KIF20B: variants seen among roughly 807,000 people sequenced by gnomAD.
KIF20B encodes kinesin-like protein KIF20B.
KIF20B carries 188 observed loss-of-function variants against 232.5 expected under a neutral mutation model. The ratio of observed to expected loss-of-function variants is 0.81; its 90% confidence interval spans 0.72 to 0.91. The LOEUF (loss-of-function observed/expected upper bound fraction) is 0.91. Among genes scored for constraint, KIF20B ranks in the 40% least tolerant of loss-of-function variants. The pLI, the probability that KIF20B is intolerant of heterozygous loss-of-function variation, is 0.00. For missense variants in KIF20B, 2,154 were observed against 2,055.9 expected (o/e 1.05, Z -0.92); for synonymous variants, 712 against 683.0 (o/e 1.04, Z -0.66).
chr10:89,768,899 A>G lies in KIF20B; in HGVS notation c.5242+11A>G. 1.3e-6 allele frequency: 2 copies of G among 1,574,494 alleles called. No homozygotes were observed. Among genetic ancestry groups the G allele is most frequent in the Non-Finnish European group, 1.7e-6 (2 of 1,166,178 alleles). On this transcript the variant is annotated intron_variant, in intron 31 of 32. Transcript: ENST00000371728. ...TTCTTCAATCAAAAGGTTTGCAGAA[A>G]ATTAATTAAATGACCTTTTTTTGTT...
In KIF20B at chr10:89,758,757, C is replaced by A; in HGVS notation, c.4555C>A (p.Arg1519=). 2 of 1,605,194 alleles carry A rather than the reference C, an allele frequency of 1.2e-6. No individual in the cohort carries two copies. The highest frequency in any genetic ancestry group is 1.7e-6 in the Non-Finnish European group (2 of 1,175,780). ...GAAAGATAGTGACCTTCAAAAGTGG[C>A]GAGAAGAACGAGATCAACTGGTTGC... The part of the protein sequence containing the change: ...TEKDSDLQKW[R]EERDQLVAAL... Residue 1519 remains arginine (R), a synonymous_variant, in exon 27 of 33, where the codon CGA becomes AGA. Transcript: ENST00000371728.
chr10:89,717,968 G>A (rs1842969266), intron 11 of KIF20B, among the ~76,000 whole-genome samples: 1 of 152,168 alleles, frequency 6.6e-6, no homozygotes, highest in Non-Finnish European at 1.5e-5. Flanking sequence ...AATAGACACT[G>A]TAAATGAGAA....
Position 89,709,336 on chromosome 10 carries a change from G to A in KIF20B, c.235-9G>A, listed in dbSNP as rs767507186. On this transcript the variant is annotated splice_polypyrimidine_tract_variant and intron_variant, in intron 3 of 32. Coordinates refer to ENST00000371728, the MANE Select transcript of KIF20B (RefSeq NM_001284259.2). ...ACTAGTTTTTATTTATTGGGGGTAT[G>A]TTTTCTAGGGCTGTGTGCATATTCT... is the stretch of plus-strand genomic sequence containing the variant. 1 of 1,606,432 alleles carries A rather than the reference G, an allele frequency of 6.2e-7. No individual in the cohort carries two copies. Among genetic ancestry groups the A allele is most frequent in the East Asian group, 2.2e-5 (1 of 44,762 alleles).
At chr10:89,751,908 T>TG (rs1012826813) in intron 24 of KIF20B, among the ~76,000 whole-genome samples, 4 of 152,132 alleles carry the variant, frequency 2.6e-5, no homozygotes, top group African/African-American at 9.6e-5. Context: ...AAATGTTATG[T>TG]GTGATTCTTG....
At chr10:89,734,852 A>G (rs932051492) in intron 19 of KIF20B, among the ~76,000 whole-genome samples, 3 of 152,220 alleles carry the variant, frequency 2.0e-5, no homozygotes, top group African/African-American at 7.2e-5. Context: ...TTTGTAATGT[A>G]ACAAACTGAT....
intron 16 of KIF20B, 126 bp from the exon 17 acceptor site, chr10:89,727,730 A>G: frequency 1.2e-6 from 1 of 839,736 alleles, no homozygotes; most frequent in South Asian, 1.8e-5. Flanking sequence ...TTCTAGTGCT[A>G]TCAAAATCCT....
intron 23 of KIF20B, among the ~76,000 whole-genome samples, chr10:89,748,382 CCTTAA>C: frequency 6.6e-6 from 1 of 152,256 alleles, no homozygotes; most frequent in Non-Finnish European, 1.5e-5. Context: ...CCTCATTACC[CCTTAA>C]CTTCTTTGTT....
intron 30 of KIF20B, 136 bp from the exon 31 acceptor site, chr10:89,768,602 C>G (rs1291707930): frequency 3.4e-6 from 3 of 873,046 alleles, no homozygotes; most frequent in Non-Finnish European, 5.2e-6. Flanking sequence ...ACCCTTTTAT[C>G]CCTGTCCTTA....
At chr10:89,736,777 G>T (rs534529719) in intron 19 of KIF20B, among the ~76,000 whole-genome samples, 1 of 152,174 alleles carries the variant, frequency 6.6e-6, no homozygotes, top group South Asian at 2.1e-4. Context: ...TCACAACTTT[G>T]AGATAGGTGG....
chr10:89,771,684 C>T (rs756289767), intron 31 of KIF20B, among the ~76,000 whole-genome samples: 3 of 151,972 alleles, frequency 2.0e-5, no homozygotes, highest in Admixed American at 6.6e-5. Context: ...ACGCTTTTCT[C>T]CACTGTAACT....
intron 29 of KIF20B, among the ~76,000 whole-genome samples, chr10:89,763,059 A>G (rs1315442084): frequency 6.6e-6 from 1 of 152,092 alleles, no homozygotes; most frequent in African/African-American, 2.4e-5. Flanking sequence ...GGGCTGGCGG[A>G]TCACTTGAGG....
At position 89,719,572 on chromosome 10, in the gene KIF20B, A is replaced by G; in HGVS notation, c.1588A>G (p.Met530Val). The change falls in exon 13 of 33, where the codon ATG becomes GTG. Residue 530 changes from methionine to valine, a missense_variant. Met to Val is a conservative substitution (Grantham distance 21, BLOSUM62 1). Coordinates refer to ENST00000371728, the MANE Select transcript of KIF20B (RefSeq NM_001284259.2). ...ATGGGAAAATAGTCTAGAAGATTTG[A>G]TGGAAGACGAGGATTTGGTTGAGGA... ...ISWENSLEDL[M>V]EDEDLVEELE... The G allele has an allele frequency of 6.2e-7, 1 of 1,613,654 alleles. No individual in the cohort carries two copies. The highest frequency in any genetic ancestry group is 8.5e-7 in the Non-Finnish European group (1 of 1,179,730).
In KIF20B at chr10:89,752,607, C is replaced by A; in HGVS notation, c.4263C>A (p.Thr1421=). ...AGGAAAAATGCAATGATTTGGAAAC[C>A]AAAAACAATCAAAGGTCAAATAAAG... The part of the protein sequence containing the change: ...KWKEKCNDLE[T]KNNQRSNKEH... Residue 1421 remains threonine, a synonymous_variant, in exon 25 of 33, where the codon ACC becomes ACA. Coordinates refer to ENST00000371728, the MANE Select transcript of KIF20B (RefSeq NM_001284259.2). 2 of 1,602,614 alleles carry A rather than the reference C, an allele frequency of 1.2e-6. No homozygotes were observed. Among genetic ancestry groups the A allele is most frequent in the South Asian group, 1.1e-5 (1 of 89,216 alleles).
chr10:89,740,489 A>T (rs1469183253), intron 21 of KIF20B, among the ~76,000 whole-genome samples: 1 of 151,142 alleles, frequency 6.6e-6, no homozygotes. Context: ...TCAATCTCCA[A>T]CCCTCCTCTC....
At chr10:89,704,535 C>T (rs1202898688) in intron 1 of KIF20B, among the ~76,000 whole-genome samples, 1 of 150,912 alleles carries the variant, frequency 6.6e-6, no homozygotes, top group Non-Finnish European at 1.5e-5. Flanking sequence ...AAATTGAAAA[C>T]AATTTTTCAG....
Position 89,712,164 on chromosome 10 carries a change from A to G in KIF20B, c.675+1019A>G, listed in dbSNP as rs369141382. Among the ~76,000 whole-genome samples, 8 of 152,162 alleles carry G rather than the reference A, an allele frequency of 5.3e-5. No individual in the cohort carries two copies. In the East Asian group the frequency reaches 1.2e-3, roughly 22 times the overall value. On this transcript the variant is annotated intron_variant, in intron 6 of 32. Coordinates refer to ENST00000371728, the MANE Select transcript of KIF20B (RefSeq NM_001284259.2). ...TTAAAATGTATTTAAAAAAATGAAT[A>G]CATTATTAATGTATTAGTGTATGGG...
chr10:89,743,859 C>A lies in KIF20B; in HGVS notation c.3967C>A (p.Leu1323Met). ...DKLLRIKINE[L>M]EKKKNQCSQE... Reference sequence around the variant, plus strand: ...ATTACTGAGGATTAAAATTAATGAACTGGAGAAAAAGAAAAACCAGTGTTC... The same window carrying A: ...ATTACTGAGGATTAAAATTAATGAAATGGAGAAAAAGAAAAACCAGTGTTC... Residue 1323 changes from leucine to methionine, a missense_variant, in exon 22 of 33, where the codon CTG becomes ATG. Transcript: ENST00000371728. 6.4e-7 allele frequency: 1 copy of A among 1,574,076 alleles called. No homozygotes were observed. Among genetic ancestry groups the A allele is most frequent in the Non-Finnish European group, 8.7e-7 (1 of 1,155,050 alleles).
At chr10:89,749,640 A>G (rs536725719) in intron 23 of KIF20B, among the ~76,000 whole-genome samples, 63 of 152,266 alleles carry the variant, frequency 4.1e-4, no homozygotes, top group Non-Finnish European at 8.4e-4. Flanking sequence ...ATTATGGACA[A>G]TTCATGTTAA....
intron 6 of KIF20B, among the ~76,000 whole-genome samples, chr10:89,712,579 A>G (rs796070131): frequency 6.6e-6 from 1 of 151,188 alleles, no homozygotes; most frequent in Non-Finnish European, 1.5e-5. Flanking sequence ...GTATTCATCT[A>G]TTCAGCAAAT....
Sources: allele counts gnomAD v4.1 joint callset (sites outside exome capture counted in the v4.1 genomes callset), GRCh38; gene constraint gnomAD v4.1.1; transcripts MANE v1.5; gene names NCBI Gene and HGNC (gene_info 2026-07-23, HGNC 2026-07-21).